The following SCAPER variants were observed in gnomAD, a reference collection of about 807,000 sequenced individuals.
SCAPER encodes S phase cyclin A-associated protein in the endoplasmic reticulum.
In SCAPER, 98 loss-of-function variants were observed where a neutral mutation model predicts 182.2. The ratio of observed to expected loss-of-function variants is 0.54; its 90% CI spans 0.46 to 0.64. The LOEUF (loss-of-function observed/expected upper bound fraction) is 0.64, where lower values mean the gene tolerates loss of function less well. Ranked by LOEUF, SCAPER falls within the 30% of genes least tolerant of loss-of-function variation. SCAPER has a pLI of 0.00. For missense variants in SCAPER, 1,432 were observed against 1,690.0 expected (o/e 0.85, Z 2.68); for synonymous variants, 605 against 564.6 (o/e 1.07, Z -1.01).
At chr15:76,724,181 A>C (rs557656793) in intron 17 of SCAPER, among the ~76,000 whole-genome samples, 91 of 146,428 alleles carry the variant, frequency 6.2e-4, no homozygotes, top group Non-Finnish European at 9.6e-4. Context: ...TCCTTCACTT[A>C]TGAAGCTTAG....
At chr15:76,820,592 G>A (rs2067459687) in intron 5 of SCAPER, among the ~76,000 whole-genome samples, 1 of 129,112 alleles carries the variant, frequency 7.7e-6, no homozygotes, top group Admixed American at 8.4e-5. Flanking sequence ...ACTGTTGTGG[G>A]TTGGGGGGAG....
Position 76,409,499 on chromosome 15 carries a change from A to ATG in SCAPER, c.3312-4822_3312-4821dup, listed in dbSNP as rs371959404. Among the ~76,000 whole-genome samples the ATG allele has an allele frequency of 1.9e-3, 289 of 150,476 alleles. 1 individual carries two copies. Among genetic ancestry groups the ATG allele is most frequent in the South Asian group, 3.8e-3 (18 of 4,742 alleles). ...AGGGATATTTAGAAACATATACATT[A>ATG]TGTGTGTGTGTGTGTGTGTATACGA... On this transcript the variant is annotated intron_variant, in intron 26 of 31. Coordinates refer to ENST00000563290, the MANE Select transcript of SCAPER (RefSeq NM_020843.4).
intron 20 of SCAPER, among the ~76,000 whole-genome samples, chr15:76,694,543 G>C (rs568336536): frequency 6.6e-6 from 1 of 152,094 alleles, no homozygotes; most frequent in East Asian, 1.9e-4. Flanking sequence ...TGGAAAAATA[G>C]TTAAGATGGC....
At chr15:76,380,790 C>T (rs1273119061) in intron 28 of SCAPER, 1 of 152,144 alleles carries the variant, frequency 6.6e-6, no homozygotes, top group Non-Finnish European at 1.5e-5. Flanking sequence ...AGCAATTCTT[C>T]TTTCTTTAGC....
At chr15:76,476,638 T>C (rs906616109) in intron 24 of SCAPER, among the ~76,000 whole-genome samples, 10 of 120,386 alleles carry the variant, frequency 8.3e-5, no homozygotes, top group African/African-American at 2.9e-4. Context: ...AGACAGAGTC[T>C]CACTATGTTG....
chr15:76,743,896 A>G (rs1002163457), intron 15 of SCAPER, among the ~76,000 whole-genome samples: 2 of 152,320 alleles, frequency 1.3e-5, no homozygotes, highest in East Asian at 3.9e-4. Flanking sequence ...ACTATGCCAC[A>G]AGGCTACAGT....
intron 16 of SCAPER, among the ~76,000 whole-genome samples, chr15:76,729,614 C>A (rs2060800358): frequency 6.6e-6 from 1 of 152,046 alleles, no homozygotes; most frequent in Non-Finnish European, 1.5e-5. Context: ...TGTTTCCTGA[C>A]CCCATTATTC....
intron 20 of SCAPER, among the ~76,000 whole-genome samples, chr15:76,687,695 G>C (rs1314584827): frequency 1.3e-5 from 2 of 152,234 alleles, no homozygotes; most frequent in East Asian, 1.9e-4. Context: ...GCGGTGTTTG[G>C]TTTTCTGTTC....
intron 20 of SCAPER, among the ~76,000 whole-genome samples, chr15:76,701,157 C>A (rs1665950501): frequency 5.3e-5 from 8 of 150,198 alleles, no homozygotes. Context: ...CCTCAAAGAA[C>A]CCACAATAAC....
chr15:76,507,612 G>GT (rs1453419476), intron 23 of SCAPER, among the ~76,000 whole-genome samples: 1 of 152,022 alleles, frequency 6.6e-6, no homozygotes. Flanking sequence ...CATTAATGAC[G>GT]TATCAATTAT....
At chr15:76,615,498 C>G (rs761325943) in intron 22 of SCAPER, among the ~76,000 whole-genome samples, 1 of 76,380 alleles carries the variant, frequency 1.3e-5, no homozygotes, top group Non-Finnish European at 2.7e-5. Flanking sequence ...CACAGACACA[C>G]ACACACACAC....
chr15:76,835,620 C>T (rs113761950), intron 5 of SCAPER, among the ~76,000 whole-genome samples: 33 of 152,230 alleles, frequency 2.2e-4, no homozygotes, highest in African/African-American at 7.9e-4. Flanking sequence ...AACTATTCCC[C>T]TTGAAAACCA....
chr15:76,896,839 G>C (rs1405986768), intron 1 of SCAPER, among the ~76,000 whole-genome samples: 1 of 152,188 alleles, frequency 6.6e-6, no homozygotes, highest in African/African-American at 2.4e-5. Context: ...CCAGCTCCTT[G>C]GGAGGCTAAG....
chr15:76,777,446 C>T (rs547299148), intron 8 of SCAPER, among the ~76,000 whole-genome samples: 1 of 152,280 alleles, frequency 6.6e-6, no homozygotes, highest in African/African-American at 2.4e-5. Flanking sequence ...TGCCTGTAAT[C>T]CCAGCACTTT....
rs114613667 is a variant in SCAPER, at chr15:76,483,157, T to A, written c.2955-11822A>T. 6.0e-3 allele frequency among the ~76,000 whole-genome samples: 912 copies of A among 152,018 alleles called. 4 individuals carry two copies. The highest frequency in any genetic ancestry group is 0.021 in the African/African-American group (879 of 41,516). On this transcript the variant is annotated intron_variant, in intron 24 of 31. Transcript: ENST00000563290. ...TTGGTGAAAAAAATAGACACATAGATCAATGGAACAGAATAAGGGAGACCA... is the reference window on the plus strand; with the variant it reads ...TTGGTGAAAAAAATAGACACATAGAACAATGGAACAGAATAAGGGAGACCA...
At chr15:76,683,957 G>A (rs1384895988) in intron 20 of SCAPER, among the ~76,000 whole-genome samples, 1 of 152,044 alleles carries the variant, frequency 6.6e-6, no homozygotes, top group Non-Finnish European at 1.5e-5. Flanking sequence ...AATTTCACAT[G>A]CAGCCCAACT....
At chr15:76,772,953 G>C (rs919519734) in intron 9 of SCAPER, among the ~76,000 whole-genome samples, 12 of 151,864 alleles carry the variant, frequency 7.9e-5, no homozygotes, top group Non-Finnish European at 1.5e-4. Context: ...ACTTGGCTAA[G>C]TCTCATAAAC....
intron 23 of SCAPER, among the ~76,000 whole-genome samples, chr15:76,507,500 C>T (rs577336270): frequency 1.3e-4 from 20 of 152,202 alleles, no homozygotes; most frequent in South Asian, 8.3e-4. Flanking sequence ...AGCCTTGAAA[C>T]GCTGAAATAC....
At chr15:76,589,833 G>A (rs750879846) in intron 22 of SCAPER, among the ~76,000 whole-genome samples, 17 of 152,134 alleles carry the variant, frequency 1.1e-4, no homozygotes, top group Non-Finnish European at 2.1e-4. Context: ...GCTTCCCTGG[G>A]GATGCAGAGA....
Sources: allele counts gnomAD v4.1 joint callset (sites outside exome capture counted in the v4.1 genomes callset), GRCh38; gene constraint gnomAD v4.1.1; transcripts MANE v1.5; gene names NCBI Gene and HGNC (gene_info 2026-07-23, HGNC 2026-07-21).